CSMD1: variants seen among roughly 807,000 people sequenced by gnomAD.
CSMD1 encodes the protein CUB and sushi domain-containing protein 1.
In CSMD1, 213 loss-of-function variants were observed where a neutral mutation model predicts 417.5. The observed-to-expected ratio is 0.51, with a 90% confidence interval of 0.46 to 0.57. The LOEUF is 0.57. Ranked by LOEUF, CSMD1 falls within the 20% of genes least tolerant of loss-of-function variation. The pLI is 0.00. For synonymous variants in CSMD1, 2,862 were observed against 1,736.8 expected (o/e 1.65, Z -16.11); for missense variants, 6,923 against 4,529.7 (o/e 1.53, Z -15.17).
intron 7 of CSMD1, among the ~76,000 whole-genome samples, chr8:3,620,558 C>T (rs935533449): frequency 1.3e-5 from 2 of 152,042 alleles, no homozygotes; most frequent in East Asian, 1.9e-4. Flanking sequence ...TTGAAGTTTT[C>T]GTATATGAAT....
intron 1 of CSMD1, among the ~76,000 whole-genome samples, chr8:4,796,295 C>A (rs1344792646): frequency 6.6e-6 from 1 of 152,000 alleles, no homozygotes; most frequent in African/African-American, 2.4e-5. Context: ...TGGCAGAAGG[C>A]ATTCCATGGA....
At chr8:3,229,135 C>T (rs1445381487) in intron 27 of CSMD1, among the ~76,000 whole-genome samples, 1 of 152,042 alleles carries the variant, frequency 6.6e-6, no homozygotes, top group Non-Finnish European at 1.5e-5. Context: ...GCTGTGTACA[C>T]GACAATAAAA....
At chr8:3,447,482 T>C (rs557718494) in intron 12 of CSMD1, among the ~76,000 whole-genome samples, 10 of 152,260 alleles carry the variant, frequency 6.6e-5, no homozygotes, top group East Asian at 3.9e-4. Flanking sequence ...GCGATGCATA[T>C]TGCAGAGGAA....
chr8:3,750,525 TG>T (rs1392302179), intron 6 of CSMD1, among the ~76,000 whole-genome samples: 1 of 152,218 alleles, frequency 6.6e-6, no homozygotes, highest in Non-Finnish European at 1.5e-5. Flanking sequence ...TCGCAATTTT[TG>T]TTGGCACAAA....
At chr8:3,686,519 T>C (rs1229767054) in intron 7 of CSMD1, among the ~76,000 whole-genome samples, 1 of 152,172 alleles carries the variant, frequency 6.6e-6, no homozygotes, top group African/African-American at 2.4e-5. Flanking sequence ...CAAGATCATG[T>C]CATTCTGTTC....
intron 1 of CSMD1, among the ~76,000 whole-genome samples, chr8:4,703,734 G>C: frequency 6.6e-6 from 1 of 152,220 alleles, no homozygotes; most frequent in Non-Finnish European, 1.5e-5. Context: ...AAATCTTAAA[G>C]TGATTTTACT....
chr8:4,540,015 C>A (rs561340253), intron 2 of CSMD1, among the ~76,000 whole-genome samples: 1 of 152,276 alleles, frequency 6.6e-6, no homozygotes, highest in Admixed American at 6.5e-5. Context: ...GGGCCCTCTT[C>A]CCCTCCTCAC....
intron 1 of CSMD1, among the ~76,000 whole-genome samples, chr8:4,808,567 A>C (rs1217606016): frequency 1.3e-5 from 2 of 152,164 alleles, no homozygotes; most frequent in Admixed American, 1.3e-4. Context: ...ATATGTTCCT[A>C]GACACTTATC....
At chr8:3,639,703 T>A (rs1389287768) in intron 7 of CSMD1, among the ~76,000 whole-genome samples, 1 of 152,242 alleles carries the variant, frequency 6.6e-6, no homozygotes, top group South Asian at 2.1e-4. Context: ...TACGTAAACA[T>A]CAACATCTTT....
chr8:3,101,417 T>C (rs1196850860), intron 46 of CSMD1, among the ~76,000 whole-genome samples: 2 of 152,230 alleles, frequency 1.3e-5, no homozygotes, highest in Non-Finnish European at 2.9e-5. Flanking sequence ...AATATCTCCA[T>C]ATAAGGCTGA....
chr8:4,574,378 G>C (rs954526735), intron 2 of CSMD1, among the ~76,000 whole-genome samples: 23 of 152,074 alleles, frequency 1.5e-4, no homozygotes, highest in African/African-American at 5.3e-4. Context: ...CTAGGAGAGG[G>C]GGTTACCCAG....
At chr8:4,721,991 G>C (rs916221381) in intron 1 of CSMD1, among the ~76,000 whole-genome samples, 1 of 152,264 alleles carries the variant, frequency 6.6e-6, no homozygotes, top group South Asian at 2.1e-4. Flanking sequence ...AACAGGAGAA[G>C]AACGATGGTT....
At chr8:3,091,734 T>G in intron 47 of CSMD1, 72 bp from the exon 48 acceptor site, 4 of 1,412,596 alleles carry the variant, frequency 2.8e-6, no homozygotes, top group Non-Finnish European at 3.8e-6. Flanking sequence ...AGGTTTAGCT[T>G]TTGATTACAC....
At chr8:3,531,466 A>G (rs1797978248) in intron 10 of CSMD1, among the ~76,000 whole-genome samples, 1 of 152,184 alleles carries the variant, frequency 6.6e-6, no homozygotes, top group African/African-American at 2.4e-5. Flanking sequence ...CAAATATAAA[A>G]GGTGATCCTG....
rs753387272 is a variant in CSMD1, at chr8:4,573,686, G to A, written c.302+63656C>T. On this transcript the variant is annotated intron_variant, in intron 2 of 69. Coordinates refer to ENST00000635120, the MANE Select transcript of CSMD1 (RefSeq NM_033225.6). ...TCTGCTGCTGTCTTCAGAGCCAGCA[G>A]GCAGAAAGAGTTAGGTCTGCTGAAG... is the stretch of plus-strand genomic sequence containing the variant. Among the ~76,000 whole-genome samples the A allele has an allele frequency of 7.2e-5, 11 of 152,128 alleles. No homozygotes were observed. The South Asian group carries it at 1.7e-3, about 23-fold the overall frequency.
At chr8:3,651,849 GCACTTACCACCATGAGCA>G (rs1184556665) in intron 7 of CSMD1, among the ~76,000 whole-genome samples, 7 of 119,982 alleles carry the variant, frequency 5.8e-5, no homozygotes, top group Admixed American at 8.8e-5. Context: ...ACCCACCATC[GCACTTACCACCATGAGCA>G]CACTTACCAC....
In CSMD1 at chr8:4,549,704, C is replaced by A. The variant is rs181140194; in HGVS notation, c.302+87638G>T. Among the ~76,000 whole-genome samples the A allele has an allele frequency of 1.9e-3, 286 of 151,906 alleles. 1 individual carries two copies. The highest frequency in any genetic ancestry group is 6.7e-3 in the African/African-American group (277 of 41,428). ...AGGAGTTCAAGACCAGCCTGGGCAA[C>A]ATGGCAAAACCCCGTCTCTACTATA... On this transcript the variant is annotated intron_variant, in intron 2 of 69. Coordinates refer to ENST00000635120, the MANE Select transcript of CSMD1 (RefSeq NM_033225.6).
intron 5 of CSMD1, among the ~76,000 whole-genome samples, chr8:3,940,310 C>A (rs932008016): frequency 2.6e-5 from 4 of 151,880 alleles, no homozygotes; most frequent in African/African-American, 7.3e-5. Context: ...TTTATATATA[C>A]ACTTAATATT....
intron 8 of CSMD1, among the ~76,000 whole-genome samples, chr8:3,592,583 G>A (rs1199537063): frequency 6.6e-6 from 1 of 152,136 alleles, no homozygotes; most frequent in Non-Finnish European, 1.5e-5. Context: ...TTGCTTGAAT[G>A]AAAGTATTTG....
Sources: allele counts gnomAD v4.1 joint callset (sites outside exome capture counted in the v4.1 genomes callset), GRCh38; gene constraint gnomAD v4.1.1; transcripts MANE v1.5; gene names NCBI Gene and HGNC (gene_info 2026-07-23, HGNC 2026-07-21).